AGBL4: variants seen among roughly 807,000 people sequenced by gnomAD.
AGBL4 encodes AGBL carboxypeptidase 4.
Under a neutral mutation model 66.4 loss-of-function variants are expected in AGBL4, and 58 were observed. That is an observed-to-expected ratio of 0.87 (90% CI 0.71 to 1.09). The LOEUF (loss-of-function observed/expected upper bound fraction) is 1.09, where lower values mean the gene tolerates loss of function less well. AGBL4 is among the 50% of genes least tolerant of loss of function. The pLI is 0.00. For missense variants in AGBL4, 579 were observed against 631.0 expected, an observed-to-expected ratio of 0.92 and a Z score of 0.88; for synonymous variants, 234 against 222.9, an observed-to-expected ratio of 1.05 and a Z score of -0.44.
chr1:48,856,894 G>C (rs1647173127), intron 6 of AGBL4, among the ~76,000 whole-genome samples: 1 of 152,092 alleles, frequency 6.6e-6, no homozygotes, highest in Non-Finnish European at 1.5e-5. Context: ...TTTATGCCTA[G>C]AAAAGTGGGT....
chr1:49,269,018 C>T (rs370500699), intron 3 of AGBL4: 2 of 152,286 alleles, frequency 1.3e-5, no homozygotes. Context: ...TAAGCCAAGA[C>T]CTCAAGAAGC....
chr1:49,435,564 C>T, intron 3 of AGBL4, among the ~76,000 whole-genome samples: 1 of 152,176 alleles, frequency 6.6e-6, no homozygotes, highest in East Asian at 1.9e-4. Flanking sequence ...AGAAGAGAAA[C>T]ATGTCAGAAG....
chr1:48,737,736 G>GA (rs890335447), intron 6 of AGBL4, among the ~76,000 whole-genome samples: 1 of 151,908 alleles, frequency 6.6e-6, no homozygotes, highest in Non-Finnish European at 1.5e-5. Flanking sequence ...ATCTAAAAAA[G>GA]AAAAAAGAGT....
intron 11 of AGBL4, among the ~76,000 whole-genome samples, chr1:48,556,434 A>G (rs1644322169): frequency 6.6e-6 from 1 of 152,144 alleles, no homozygotes; most frequent in Non-Finnish European, 1.5e-5. Flanking sequence ...ATCCTGCTCC[A>G]TTTTAGTAAC....
At chr1:49,871,565 T>C (rs1212632998) in intron 1 of AGBL4, among the ~76,000 whole-genome samples, 1 of 152,108 alleles carries the variant, frequency 6.6e-6, no homozygotes, top group Non-Finnish European at 1.5e-5. Context: ...TCATTAAGTT[T>C]TTGACATTAA....
intron 6 of AGBL4, among the ~76,000 whole-genome samples, chr1:48,854,151 T>C (rs1647093466): frequency 1.3e-5 from 2 of 152,208 alleles, no homozygotes; most frequent in Admixed American, 1.3e-4. Flanking sequence ...CCAAGGCAGT[T>C]TAACATCTTT....
chr1:48,997,563 A>G (rs1661110386), intron 5 of AGBL4, among the ~76,000 whole-genome samples: 1 of 152,186 alleles, frequency 6.6e-6, no homozygotes, highest in South Asian at 2.1e-4. Flanking sequence ...AAAATTGCAC[A>G]TGATCTGGCC....
At chr1:49,575,097 T>A (rs908887631) in intron 3 of AGBL4, among the ~76,000 whole-genome samples, 2 of 152,130 alleles carry the variant, frequency 1.3e-5, no homozygotes, top group Non-Finnish European at 2.9e-5. Flanking sequence ...CCACTGGCAT[T>A]TTGTCAGTGT....
chr1:49,678,110 T>C (rs1486672749), intron 3 of AGBL4, among the ~76,000 whole-genome samples: 1 of 152,162 alleles, frequency 6.6e-6, no homozygotes, highest in Non-Finnish European at 1.5e-5. Context: ...ACGTTTTTAT[T>C]TTTCTAAACT....
At chr1:49,488,945 C>T (rs958052177) in intron 3 of AGBL4, among the ~76,000 whole-genome samples, 1 of 151,834 alleles carries the variant, frequency 6.6e-6, no homozygotes, top group East Asian at 1.9e-4. Flanking sequence ...TTGATGGATG[C>T]ATATGTTGCT....
At position 48,587,090 on chromosome 1, in the gene AGBL4, G is replaced by C. The variant is rs1024034434; in HGVS notation, c.1181C>G (p.Thr394Ser). The C allele has an allele frequency of 6.3e-7, 1 of 1,595,828 alleles. No individual in the cohort carries two copies. Among genetic ancestry groups the C allele is most frequent in the African/African-American group, 1.3e-5 (1 of 74,724 alleles). The change falls in exon 11 of 14, where the codon ACT (threonine) becomes AGT (serine). Residue 394 changes from threonine (T) to serine (S), a missense_variant. Thr to Ser is a moderately conservative substitution (Grantham distance 58). Coordinates refer to ENST00000371839, the MANE Select transcript of AGBL4 (RefSeq NM_032785.4). Reference protein sequence around the residue: ...RRFLGGLLDHTSYCYTLEVSF... With the variant: ...RRFLGGLLDHSSYCYTLEVSF... The stretch of plus-strand genomic sequence containing the variant: ...GACCTCTAGGGTGTAGCAATAGGAA[G>C]TGTGGTCCAGGAGTCCACCGAGGAA...
chr1:48,754,359 G>A (rs1376336742), intron 6 of AGBL4, among the ~76,000 whole-genome samples: 4 of 152,140 alleles, frequency 2.6e-5, no homozygotes, highest in Non-Finnish European at 5.9e-5. Context: ...CTTGTGCATT[G>A]TTTTTTAAAA....
Position 48,727,938 on chromosome 1 carries a change from T to C in AGBL4, c.635-64697A>G, listed in dbSNP as rs1317739667. 1.2e-6 allele frequency: 2 copies of C among 1,612,010 alleles called. No homozygotes were observed. The highest frequency in any genetic ancestry group is 1.7e-6 in the Non-Finnish European group (2 of 1,178,270). On this transcript the variant is annotated intron_variant, in intron 6 of 13. Coordinates refer to ENST00000371839, the MANE Select transcript of AGBL4 (RefSeq NM_032785.4). ...TCGTTCTTCATTTTTACAGGATTTA[T>C]TGATATCCATGATTTTTTCACAGAT...
intron 6 of AGBL4, among the ~76,000 whole-genome samples, chr1:48,744,110 T>C (rs934930896): frequency 2.0e-5 from 3 of 152,110 alleles, no homozygotes; most frequent in African/African-American, 7.2e-5. Flanking sequence ...ATTACAGATA[T>C]AGAACCTGGC....
chr1:49,338,641 A>C (rs1645482526), intron 3 of AGBL4, among the ~76,000 whole-genome samples: 1 of 152,228 alleles, frequency 6.6e-6, no homozygotes, highest in African/African-American at 2.4e-5. Flanking sequence ...CTTGGGTCTA[A>C]GAACCATTGT....
At chr1:49,888,148 C>G (rs1420105576) in intron 1 of AGBL4, among the ~76,000 whole-genome samples, 1 of 152,072 alleles carries the variant, frequency 6.6e-6, no homozygotes, top group Non-Finnish European at 1.5e-5. Flanking sequence ...AGATCATGCA[C>G]AGATCTTGCA....
intron 6 of AGBL4, among the ~76,000 whole-genome samples, chr1:48,763,495 A>T (rs953315561): frequency 1.7e-4 from 26 of 151,884 alleles, no homozygotes; most frequent in Non-Finnish European, 3.5e-4. Flanking sequence ...TGTGTGTGTG[A>T]AAAAAACAGA....
chr1:49,719,679 G>C (rs750149071), intron 2 of AGBL4, among the ~76,000 whole-genome samples: 5 of 152,092 alleles, frequency 3.3e-5, no homozygotes, highest in Admixed American at 6.6e-5. Flanking sequence ...CCTTTTATGT[G>C]ATTTGGCTGT....
chr1:48,560,763 G>A (rs1644384793), intron 11 of AGBL4, among the ~76,000 whole-genome samples: 1 of 152,180 alleles, frequency 6.6e-6, no homozygotes, highest in Non-Finnish European at 1.5e-5. Context: ...GACACCTACT[G>A]TGTTTCTGGC....
Sources: allele counts gnomAD v4.1 joint callset (sites outside exome capture counted in the v4.1 genomes callset), GRCh38; gene constraint gnomAD v4.1.1; transcripts MANE v1.5; gene names NCBI Gene and HGNC (gene_info 2026-07-23, HGNC 2026-07-21).